Variants in PLCB3 observed in about 807,000 individuals in gnomAD.
The protein encoded by PLCB3 is phospholipase C beta 3.
A neutral mutation model predicts 152.1 loss-of-function variants in PLCB3; 54 were observed. The observed-to-expected ratio is 0.36, with a 90% CI of 0.29 to 0.45. PLCB3 has a LOEUF of 0.45. Among genes scored for constraint, PLCB3 ranks in the 20% least tolerant of loss-of-function variants. The pLI, the probability that PLCB3 is intolerant of heterozygous loss-of-function variation, is 1.00. For synonymous variants in PLCB3, 717 were observed against 698.7 expected (o/e 1.03, Z -0.41); for missense variants, 1,248 against 1,687.5 (o/e 0.74, Z 4.56).
intron 13 of PLCB3, 144 bp downstream of exon 13, chr11:64,259,388 C>G: frequency 1.4e-6 from 1 of 709,788 alleles, no homozygotes. Context: ...TGTCTCCTCA[C>G]CACCTGTCGG....
In PLCB3 at chr11:64,262,447, C is replaced by T. The variant is rs760325869; in HGVS notation, c.2079C>T (p.Asn693=). Residue 693 remains asparagine, a synonymous_variant, in exon 18 of 31, where the codon AAC becomes AAT. Coordinates refer to ENST00000279230, the MANE Select transcript of PLCB3 (RefSeq NM_000932.5). ...TCAACGCGGGCGTTTTTGAGTACAA[C>T]GGGCGCAGCGGGTACCTGCTCAAGC... is the stretch of plus-strand genomic sequence containing the variant. ...MQLNAGVFEY[N]GRSGYLLKPE... 29 of 1,613,702 alleles carry T rather than the reference C, an allele frequency of 1.8e-5. 1 individual carries two copies. Among genetic ancestry groups the T allele is most frequent in the Middle Eastern group, 1.6e-4 (1 of 6,082 alleles).
At chr11:64,264,767 G>A (rs2032025670) in intron 22 of PLCB3, among the ~76,000 whole-genome samples, 184 bp from the exon 23 acceptor site, 1 of 152,118 alleles carries the variant, frequency 6.6e-6, no homozygotes, top group South Asian at 2.1e-4. Flanking sequence ...GTGGAAAAGG[G>A]GTTTAGAAAG....
In PLCB3 at chr11:64,260,158, C is replaced by A; in HGVS notation, c.1655C>A (p.Pro552His). The A allele has an allele frequency of 6.2e-7, 1 of 1,609,702 alleles. No homozygotes were observed. Reference protein sequence around the residue: ...GLNRGPYVLGPADREDEEEDE... With the variant: ...GLNRGPYVLGHADREDEEEDE... ...AACCGAGGCCCCTATGTTCTTGGAC[C>A]TGCTGACCGTGAGGATGAGGAGGAA... The change falls in exon 14 of 31, where the codon CCT (proline) becomes CAT (histidine). Residue 552 changes from proline (P) to histidine (H), a missense_variant. Pro to His is a moderately conservative substitution (Grantham distance 77, BLOSUM62 -2). This residue lies in a region of PLCB3 where 105 missense variants were observed against 100.9 expected (regional missense o/e 1.04). Transcript: ENST00000279230.
At chr11:64,259,293 C>G (rs2031718676) in intron 13 of PLCB3, 49 bp downstream of exon 13, 1 of 1,380,210 alleles carries the variant, frequency 7.2e-7, no homozygotes. Flanking sequence ...AGCCTCTGGC[C>G]TCATGCTCCA....
chr11:64,262,154 C>T (rs992942371), intron 17 of PLCB3, 78 bp downstream of exon 17: 1 of 1,574,972 alleles, frequency 6.3e-7, no homozygotes, highest in Non-Finnish European at 8.7e-7. Context: ...CTGGTCTTGC[C>T]TGAATGGACC....
In PLCB3 at chr11:64,259,128, G is replaced by C; in HGVS notation, c.1409G>C (p.Arg470Pro). The C allele has an allele frequency of 6.2e-7, 1 of 1,611,922 alleles. No homozygotes were observed. The highest frequency in any genetic ancestry group is 8.5e-7 in the Non-Finnish European group (1 of 1,179,358). ...CGTATCCTGGTGAAGAACAAGAAGC[G>C]GCACCGACCCAGCGCAGGTGGCCCA... ...MGRILVKNKK[R>P]HRPSAGGPDS... is the part of the protein sequence containing the mutation. The change falls in exon 13 of 31, where the codon CGG (arginine) becomes CCG (proline). Residue 470 changes from arginine (R) to proline (P), a missense_variant. Physicochemically the swap from Arg to Pro is moderately radical, Grantham distance 103. Coordinates refer to ENST00000279230, the MANE Select transcript of PLCB3 (RefSeq NM_000932.5).
Position 64,259,886 on chromosome 11 carries a change from C to T in PLCB3, c.1526-143C>T, listed in dbSNP as rs2031752745. ...ATACCATCTGACCTCGACCTCTTGG[C>T]CTCTCCCCAAGCCACACTGCCCTGA... On this transcript the variant is annotated intron_variant, in intron 13 of 30. Transcript: ENST00000279230. 21 of 685,396 alleles carry T rather than the reference C, an allele frequency of 3.1e-5. No individual in the cohort carries two copies. In the South Asian group the frequency reaches 3.3e-4, roughly 11 times the overall value. The allele number at this position is 685,396 out of a possible 1,614,324, so 42.5% of individuals were successfully genotyped here.
chr11:64,265,123 CG>C lies in PLCB3; in HGVS notation c.2806+24del. ...AGCCCAGGTAAGGAGTGGCCTGGGTCGGGGGTGGGCTGCAGGGAGGCACCCC... is the reference window on the plus strand; with the variant it reads ...AGCCCAGGTAAGGAGTGGCCTGGGTCGGGGTGGGCTGCAGGGAGGCACCCC... On this transcript the variant is annotated intron_variant, in intron 23 of 30. Coordinates refer to ENST00000279230, the MANE Select transcript of PLCB3 (RefSeq NM_000932.5). 2 of 1,500,774 alleles carry C rather than the reference CG, an allele frequency of 1.3e-6. No individual in the cohort carries two copies. Among genetic ancestry groups the C allele is most frequent in the Non-Finnish European group, 1.8e-6 (2 of 1,115,250 alleles). The allele number at this position is 1,500,774 out of a possible 1,614,324, so 93.0% of individuals were successfully genotyped here. A position where few individuals can be genotyped will look rare whatever the true frequency, so the allele number is the denominator to read the frequency against.
In PLCB3 at chr11:64,262,501, C is replaced by G; in HGVS notation, c.2133C>G (p.Ser711=). ...AGTTCATGCGGCGGCCGGACAAGTC[C>G]TTCGACCCCTTCACTGAGGTCATCG... ...KPEFMRRPDK[S]FDPFTEVIVD... Residue 711 remains serine, a synonymous_variant, in exon 18 of 31, where the codon TCC becomes TCG. Coordinates refer to ENST00000279230, the MANE Select transcript of PLCB3 (RefSeq NM_000932.5). 1 of 1,614,008 alleles carries G rather than the reference C, an allele frequency of 6.2e-7. No individual in the cohort carries two copies. Among genetic ancestry groups the G allele is most frequent in the South Asian group, 1.1e-5 (1 of 91,090 alleles).
Position 64,254,903 on chromosome 11 carries a change from C to G in PLCB3, c.252C>G (p.Pro84=). ...CTTCGCTGTCACCTACTCAGGACCC[C>G]AAGATCCGGGAAGTTCTGGGCTTTG... ...TGRYARLPKD[P]KIREVLGFGG... is the part of the protein sequence containing the mutation. The change falls in exon 4 of 31, where the codon CCC becomes CCG. Residue 84 remains proline, a synonymous_variant. Transcript: ENST00000279230. 1 of 1,607,350 alleles carries G rather than the reference C, an allele frequency of 6.2e-7. No individual in the cohort carries two copies. The highest frequency in any genetic ancestry group is 8.5e-7 in the Non-Finnish European group (1 of 1,175,628).
rs543817574 is a variant in PLCB3 at position 64,255,206 on chromosome 11, CG to C, written c.388-27del. Reference sequence around the variant, plus strand: ...GGCAGCCCCTGTGTCCCCCACTCACCGCCTCCCCGTGTATACTGGCCCCCCA... The same window carrying C: ...GGCAGCCCCTGTGTCCCCCACTCACCCCTCCCCGTGTATACTGGCCCCCCA... On this transcript the variant is annotated intron_variant, in intron 4 of 30. Transcript: ENST00000279230. The surrounding 1 kb of genome is among the most constrained non-coding windows in gnomAD (Gnocchi z 6.8). 1.9e-6 allele frequency: 3 copies of C among 1,588,544 alleles called. No homozygotes were observed. The African/African-American group carries it at 4.0e-5, about 21-fold the overall frequency.
At position 64,262,006 on chromosome 11, in the gene PLCB3, C is replaced by T. The variant is rs2031878043; in HGVS notation, c.1968C>T (p.Ser656=). 6.2e-7 allele frequency: 1 copy of T among 1,614,238 alleles called. No homozygotes were observed. The highest frequency in any genetic ancestry group is 8.5e-7 in the Non-Finnish European group (1 of 1,180,036). ...RIYPKGTRVD[S]SNYMPQLFWN... Reference sequence around the variant, plus strand: ...ACCCCAAGGGCACCCGCGTGGACTCCTCCAACTACATGCCCCAGCTCTTCT... The same window carrying T: ...ACCCCAAGGGCACCCGCGTGGACTCTTCCAACTACATGCCCCAGCTCTTCT... Residue 656 remains serine (S), a synonymous_variant, in exon 17 of 31, where the codon TCC becomes TCT. Coordinates refer to ENST00000279230, the MANE Select transcript of PLCB3 (RefSeq NM_000932.5).
At position 64,266,335 on chromosome 11, in the gene PLCB3, A is replaced by G. The variant is rs756653717; in HGVS notation, c.3287A>G (p.Lys1096Arg). Reference protein sequence around the residue: ...MNEREKKELQKILDRKRHNSI... With the variant: ...MNEREKKELQRILDRKRHNSI... ...TCCAGGGAGAAGAAGGAGCTGCAGA[A>G]GATCCTGGACAGAAAGCGCCATAAC... Residue 1096 changes from lysine to arginine, a missense_variant, in exon 28 of 31, where the codon AAG becomes AGG. Physicochemically the swap from Lys to Arg is conservative, Grantham distance 26. This residue lies in a region of PLCB3 where 477 missense variants were observed against 489.6 expected (regional missense o/e 0.97). Coordinates refer to ENST00000279230, the MANE Select transcript of PLCB3 (RefSeq NM_000932.5). This position sits in a 1 kb window ranked among gnomAD's most constrained non-coding sequence, Gnocchi z 4.9. 6.2e-7 allele frequency: 1 copy of G among 1,613,006 alleles called. No homozygotes were observed. The highest frequency in any genetic ancestry group is 1.7e-5 in the Admixed American group (1 of 59,800).
intron 14 of PLCB3, 104 bp from the exon 15 acceptor site, chr11:64,261,296 T>G: frequency 1.2e-6 from 1 of 831,976 alleles, no homozygotes; most frequent in Non-Finnish European, 2.1e-6. Flanking sequence ...GCAGTGTGTA[T>G]ATAGTGCTGG....
At position 64,265,398 on chromosome 11, in the gene PLCB3, G is replaced by A. The variant is rs768863968; in HGVS notation, c.2931G>A (p.Leu977=). The change falls in exon 25 of 31, where the codon CTG becomes CTA. Residue 977 remains leucine (L), a synonymous_variant. Transcript: ENST00000279230. ...RSRQERDLRE[L]RKKHQRKAVT... ...GGCAAGAGCGAGACCTGCGGGAGCT[G>A]CGCAAGAAGCATCAGCGGAAGGCAG... is the stretch of plus-strand genomic sequence containing the variant. 2 of 1,612,524 alleles carry A rather than the reference G, an allele frequency of 1.2e-6. No individual in the cohort carries two copies. The highest frequency in any genetic ancestry group is 1.7e-6 in the Non-Finnish European group (2 of 1,179,870).
rs762962879 is a variant in PLCB3 at position 64,267,479 on chromosome 11, A to T, written c.3628A>T (p.Asn1210Tyr). Residue 1210 changes from asparagine (N) to tyrosine (Y), a missense_variant, in exon 31 of 31, where the codon AAC (asparagine) becomes TAC (tyrosine). Asn to Tyr is a moderately radical substitution (Grantham distance 143). This residue lies in a region of PLCB3 where 477 missense variants were observed against 489.6 expected (regional missense o/e 0.97). Coordinates refer to ENST00000279230, the MANE Select transcript of PLCB3 (RefSeq NM_000932.5). This position sits in a 1 kb window ranked among gnomAD's most constrained non-coding sequence, Gnocchi z 5.2. ...GDGPLVACAS[N>Y]GHAPGSSGHL... Reference sequence around the variant, plus strand: ...CGGGCCTCTGGTGGCCTGTGCCAGCAACGGTCACGCACCCGGGAGCAGCGG... The same window carrying T: ...CGGGCCTCTGGTGGCCTGTGCCAGCTACGGTCACGCACCCGGGAGCAGCGG... 6.4e-7 allele frequency: 1 copy of T among 1,566,400 alleles called. No homozygotes were observed. The highest frequency in any genetic ancestry group is 8.6e-7 in the Non-Finnish European group (1 of 1,160,086).
chr11:64,267,427 G>C lies in PLCB3; in HGVS notation c.3576G>C (p.Leu1192=). The C allele has an allele frequency of 6.5e-7, 1 of 1,545,694 alleles. No individual in the cohort carries two copies. Among genetic ancestry groups the C allele is most frequent in the East Asian group, 2.4e-5 (1 of 41,362 alleles). The change falls in exon 31 of 31, where the codon CTG becomes CTC. Residue 1192 remains leucine (L), a synonymous_variant. Coordinates refer to ENST00000279230, the MANE Select transcript of PLCB3 (RefSeq NM_000932.5). The surrounding 1 kb of genome is among the most constrained non-coding windows in gnomAD (Gnocchi z 5.2). The stretch of plus-strand genomic sequence containing the variant: ...CCCAGGAGATCCGCCGGAGCCTGCT[G>C]GGCGAGATGCCGGAGGGGCTGGGGG... ...RLPQEIRRSL[L]GEMPEGLGDG... is the part of the protein sequence containing the mutation.
chr11:64,261,886 AG>A, intron 16 of PLCB3, 65 bp from the exon 17 acceptor site: 1 of 1,601,404 alleles, frequency 6.2e-7, no homozygotes, highest in Non-Finnish European at 8.5e-7. Context: ...CACCTGGCTG[AG>A]GCCGGAGGTG....
chr11:64,257,418 A>G (rs2031598156), intron 10 of PLCB3, among the ~76,000 whole-genome samples: 1 of 152,094 alleles, frequency 6.6e-6, no homozygotes, highest in Non-Finnish European at 1.5e-5. Flanking sequence ...TTTTGAGACC[A>G]GTCTGGGCAA....
Sources: allele counts gnomAD v4.1 joint callset (sites outside exome capture counted in the v4.1 genomes callset), GRCh38; gene constraint gnomAD v4.1.1; regional missense constraint gnomAD v4.1.1; non-coding constraint Gnocchi (gnomAD v3.1); transcripts MANE v1.5; gene names NCBI Gene and HGNC (gene_info 2026-07-23, HGNC 2026-07-21).